The following PDE1C variants were observed in gnomAD, a reference collection of about 807,000 sequenced individuals.
The protein encoded by PDE1C is dual specificity calcium/calmodulin-dependent 3',5'-cyclic nucleotide phosphodiesterase 1C.
PDE1C carries 62 observed loss-of-function variants against 93.1 expected under a neutral mutation model. The ratio of observed to expected loss-of-function variants is 0.67; its 90% CI spans 0.54 to 0.82. The LOEUF is 0.82. Ranked by LOEUF, PDE1C falls within the 40% of genes least tolerant of loss-of-function variation. The pLI is 0.00. For missense variants in PDE1C, 742 were observed against 884.6 expected, an observed-to-expected ratio of 0.84 and a Z score of 2.04; for synonymous variants, 325 against 310.1, an observed-to-expected ratio of 1.05 and a Z score of -0.50.
rs112141515 is a variant in PDE1C at position 32,228,401 on chromosome 7, T to G, written c.86-18862A>C. ...CCTGCATAGTCCTTGAATATTATTCTAAAGGATCTGGGCTCTTTAGAGGTG... is the reference window on the plus strand; with the variant it reads ...CCTGCATAGTCCTTGAATATTATTCGAAAGGATCTGGGCTCTTTAGAGGTG... On this transcript the variant is annotated intron_variant, in intron 1 of 18. Coordinates refer to the PDE1C transcript ENST00000396193. 3.3e-4 allele frequency among the ~76,000 whole-genome samples: 51 copies of G among 152,336 alleles called. 1 individual carries two copies. The highest frequency in any genetic ancestry group is 1.2e-3 in the African/African-American group (49 of 41,564).
chr7:32,005,222 C>T (rs967015983), intron 2 of PDE1C, among the ~76,000 whole-genome samples: 2 of 152,076 alleles, frequency 1.3e-5, no homozygotes, highest in African/African-American at 4.8e-5. Flanking sequence ...ATCAAGTGCC[C>T]ACTCACATCA....
At chr7:31,718,151 G>A in the PDE1C span, among the ~76,000 whole-genome samples, 19 of 152,112 alleles carry the variant, frequency 1.2e-4, no homozygotes, top group Non-Finnish European at 2.1e-4. Flanking sequence ...AGCACCAGGT[G>A]GACTGCACGG....
In PDE1C at chr7:31,756,935, G is replaced by C. The variant is rs531496725; in HGVS notation, c.1961-3382C>G. On this transcript the variant is annotated intron_variant, in intron 17 of 17. Transcript: ENST00000396191. ...GGACACACGGTGGATCTGCTGGAAG[G>C]GCCAAGGTCAGGGACCCATCTGTCC... Among the ~76,000 whole-genome samples the C allele has an allele frequency of 4.1e-4, 62 of 152,306 alleles. 1 individual carries two copies. The highest frequency in any genetic ancestry group is 1.4e-3 in the African/African-American group (57 of 41,554).
chr7:31,644,355 A>T, the PDE1C span, among the ~76,000 whole-genome samples: 1 of 152,328 alleles, frequency 6.6e-6, no homozygotes, highest in Non-Finnish European at 1.5e-5. Context: ...CTTTTTGTAA[A>T]ATAGGGAGAC....
chr7:31,799,664 A>C (rs1785747680), intron 16 of PDE1C, among the ~76,000 whole-genome samples: 1 of 151,746 alleles, frequency 6.6e-6, no homozygotes. Flanking sequence ...CTTGTGAAGA[A>C]TTATATAATG....
the PDE1C span, chr7:31,652,713 C>A: frequency 1.2e-6 from 2 of 1,613,956 alleles, no homozygotes; most frequent in Non-Finnish European, 1.7e-6. Flanking sequence ...CTTCACTCCA[C>A]CCACCTTGGA....
chr7:31,850,251 T>G (rs1305289692), intron 8 of PDE1C, among the ~76,000 whole-genome samples: 1 of 152,124 alleles, frequency 6.6e-6, no homozygotes. Context: ...GTCAATGTTG[T>G]TAATGTCAAC....
At chr7:32,066,268 A>T (rs183520359) in intron 1 of PDE1C, among the ~76,000 whole-genome samples, 1 of 152,162 alleles carries the variant, frequency 6.6e-6, no homozygotes, top group Non-Finnish European at 1.5e-5. Context: ...GTCTGTTAGC[A>T]TAGTAAGGTG....
chr7:31,850,724 C>T lies in PDE1C; in HGVS notation c.768G>A (p.Leu256=). 2 of 1,612,122 alleles carry T rather than the reference C, an allele frequency of 1.2e-6. No homozygotes were observed. The highest frequency in any genetic ancestry group is 1.7e-6 in the Non-Finnish European group (2 of 1,178,374). The change falls in exon 8 of 18, where the codon CTG becomes CTA. Residue 256 remains leucine, a synonymous_variant. Coordinates refer to ENST00000396191, the MANE Select transcript of PDE1C (RefSeq NM_001191057.4). ...CTGAGAAGATTATAGCAAAGATCTC[C>T]AGCTCCGTCAGCCAGTTCTGAAAGG... ...KTGVANWLTE[L]EIFAIIFSAA... is the part of the protein sequence containing the mutation.
In PDE1C at chr7:31,926,620, G is replaced by A. The variant is rs556561522; in HGVS notation, c.129-45760C>T. Among the ~76,000 whole-genome samples the A allele has an allele frequency of 1.2e-4, 19 of 152,252 alleles. No individual in the cohort carries two copies. The South Asian group carries it at 3.3e-3, about 27-fold the overall frequency. On this transcript the variant is annotated intron_variant, in intron 2 of 17. Coordinates refer to ENST00000396191, the MANE Select transcript of PDE1C (RefSeq NM_001191057.4). ...ATCTCACCGGGACTGGTTAGACAGC[G>A]GGTGCAGCCCATAGTGGGCCAGCAG...
chr7:31,810,102 A>G (rs1787368456), intron 15 of PDE1C, among the ~76,000 whole-genome samples: 1 of 152,162 alleles, frequency 6.6e-6, no homozygotes, highest in Admixed American at 6.5e-5. Flanking sequence ...TCTTTACAGT[A>G]TAACAGTGCT....
chr7:32,390,277 T>G (rs1423889752), intron 1 of PDE1C, among the ~76,000 whole-genome samples: 2 of 151,976 alleles, frequency 1.3e-5, no homozygotes, highest in Non-Finnish European at 1.5e-5. Context: ...TCAAGTAGAT[T>G]GTGATAAATT....
chr7:32,124,724 T>A (rs1799477050), intron 3 of PDE1C, among the ~76,000 whole-genome samples: 1 of 152,028 alleles, frequency 6.6e-6, no homozygotes, highest in South Asian at 2.1e-4. Flanking sequence ...AAAAATTAAC[T>A]CAAGATGGAC....
chr7:32,215,559 A>G (rs555662240), intron 1 of PDE1C, among the ~76,000 whole-genome samples: 1 of 152,268 alleles, frequency 6.6e-6, no homozygotes, highest in Non-Finnish European at 1.5e-5. Context: ...GACCAATGGG[A>G]GGGAGGCAGG....
the PDE1C span, among the ~76,000 whole-genome samples, chr7:31,631,019 C>T: frequency 6.6e-6 from 1 of 152,052 alleles, no homozygotes; most frequent in Non-Finnish European, 1.5e-5. Flanking sequence ...AAGTTATTAA[C>T]TCAAGAAGTA....
Position 31,833,818 on chromosome 7 carries a change from T to C in PDE1C, c.1203+3362A>G, listed in dbSNP as rs746636400. Reference sequence around the variant, plus strand: ...GAAAATTTGCAGCCTGATGATGCAATAGAAAAGAAAAACCCATTTTCTGAG... The same window carrying C: ...GAAAATTTGCAGCCTGATGATGCAACAGAAAAGAAAAACCCATTTTCTGAG... On this transcript the variant is annotated intron_variant, in intron 11 of 17. Transcript: ENST00000396191. Among the ~76,000 whole-genome samples, 7 of 152,252 alleles carry C rather than the reference T, an allele frequency of 4.6e-5. No individual in the cohort carries two copies. In the South Asian group the frequency reaches 1.0e-3, roughly 23 times the overall value.
chr7:32,410,248 G>A (rs372470170), intron 1 of PDE1C, among the ~76,000 whole-genome samples: 45 of 152,168 alleles, frequency 3.0e-4, no homozygotes, highest in Middle Eastern at 6.8e-3. Context: ...TGGGAGCATC[G>A]CTTGAGCCCA....
At chr7:32,387,587 G>A (rs1784656583) in intron 1 of PDE1C, among the ~76,000 whole-genome samples, 1 of 149,496 alleles carries the variant, frequency 6.7e-6, no homozygotes, top group South Asian at 2.1e-4. Flanking sequence ...CCGGGCAGAG[G>A]CGCCCCTCAC....
At chr7:31,856,109 T>C (rs1159228023) in intron 7 of PDE1C, among the ~76,000 whole-genome samples, 1 of 152,260 alleles carries the variant, frequency 6.6e-6, no homozygotes, top group Non-Finnish European at 1.5e-5. Context: ...ACTGTTGATG[T>C]TGAAGCCCAG....
Sources: gnomAD v4.1 joint callset for allele counts (sites outside exome capture counted in the v4.1 genomes callset) on GRCh38, gnomAD v4.1.1 for gene constraint, MANE v1.5 for transcripts, NCBI Gene and HGNC (gene_info 2026-07-23, HGNC 2026-07-21) for gene names.